The following PBRM1 variants were observed in gnomAD, a reference collection of about 807,000 sequenced individuals.
PBRM1 encodes the protein protein polybromo-1.
PBRM1 carries 27 observed loss-of-function variants against 194.5 expected under a neutral mutation model. The ratio of observed to expected loss-of-function variants is 0.14; its 90% CI spans 0.10 to 0.19. PBRM1 has a LOEUF of 0.19. Ranked by LOEUF, PBRM1 falls within the 10% of genes least tolerant of loss-of-function variation. The pLI is 1.00. For synonymous variants in PBRM1, 655 were observed against 693.2 expected (o/e 0.94, Z 0.87); for missense variants, 1,466 against 2,077.2 (o/e 0.71, Z 5.72).
intron 2 of PBRM1, among the ~76,000 whole-genome samples, chr3:52,676,551 C>T (rs961169405): frequency 3.3e-5 from 5 of 152,202 alleles, no homozygotes; most frequent in Admixed American, 6.5e-5. Flanking sequence ...TTCAGTTAAA[C>T]CTCTTTTTCT....
intron 10 of PBRM1, among the ~76,000 whole-genome samples, chr3:52,638,012 C>A (rs1284564854): frequency 1.3e-5 from 2 of 151,964 alleles, no homozygotes; most frequent in Non-Finnish European, 2.9e-5. Context: ...TACTAGTTAG[C>A]AAATAATTTT....
rs567250482 is a variant in PBRM1 at position 52,628,922 on chromosome 3, C to A, written c.1415G>T (p.Arg472Leu). 2.5e-6 allele frequency: 4 copies of A among 1,613,852 alleles called. No individual in the cohort carries two copies. In the South Asian group the frequency reaches 3.3e-5, roughly 13 times the overall value. The change falls in exon 12 of 30, where the codon CGA becomes CTA. Residue 472 changes from arginine to leucine, a missense_variant. Physicochemically the swap from Arg to Leu is moderately radical, Grantham distance 102. This residue lies in a region of PBRM1 where 457 missense variants were observed against 591.6 expected (regional missense o/e 0.77). Transcript: ENST00000296302. ...CATAACTTGCTGCAATTTTAGAACT[C>A]GCTTGTAGATGGCTGAATTGGGCAC... is the stretch of plus-strand genomic sequence containing the variant.
intron 6 of PBRM1, among the ~76,000 whole-genome samples, chr3:52,648,688 A>AT (rs1381257847): frequency 1.3e-5 from 2 of 152,224 alleles, no homozygotes; most frequent in African/African-American, 4.8e-5. Flanking sequence ...ATAAATTACA[A>AT]TTTTTAAAAA....
intron 3 of PBRM1, among the ~76,000 whole-genome samples, chr3:52,665,245 C>T (rs2096807948): frequency 6.6e-6 from 1 of 152,106 alleles, no homozygotes; most frequent in African/African-American, 2.4e-5. Context: ...GCCTTGAACT[C>T]TTGGGCTCAA....
At chr3:52,674,792 A>AAT (rs949972193) in intron 2 of PBRM1, among the ~76,000 whole-genome samples, 37 of 150,668 alleles carry the variant, frequency 2.5e-4, no homozygotes, top group Non-Finnish European at 4.6e-4. Context: ...TTATATATAC[A>AAT]ATATATATAT....
chr3:52,651,489 T>A (rs1390879769), intron 6 of PBRM1, among the ~76,000 whole-genome samples: 1 of 152,196 alleles, frequency 6.6e-6, no homozygotes, highest in Non-Finnish European at 1.5e-5. Flanking sequence ...ATTTAAAAAT[T>A]AAAAATGAAA....
intron 20 of PBRM1, among the ~76,000 whole-genome samples, chr3:52,579,858 C>A (rs2153692786): frequency 6.6e-6 from 1 of 152,326 alleles, no homozygotes; most frequent in East Asian, 1.9e-4. Context: ...CAGACTCATT[C>A]ATGCATTACT....
intron 2 of PBRM1, among the ~76,000 whole-genome samples, chr3:52,675,216 C>T (rs2097070655): frequency 1.3e-5 from 2 of 152,120 alleles, no homozygotes; most frequent in African/African-American, 2.4e-5. Flanking sequence ...GAGACTGAAT[C>T]AGTAATAAAA....
chr3:52,649,906 C>G (rs369265198), intron 6 of PBRM1, among the ~76,000 whole-genome samples: 1 of 151,980 alleles, frequency 6.6e-6, no homozygotes, highest in African/African-American at 2.4e-5. Context: ...CAAAATAAGG[C>G]GAGAAGTCAA....
chr3:52,593,736 G>T (rs2093318040), intron 17 of PBRM1, among the ~76,000 whole-genome samples: 1 of 152,150 alleles, frequency 6.6e-6, no homozygotes, highest in Non-Finnish European at 1.5e-5. Flanking sequence ...TAATTGTATG[G>T]TTTTGAGTGA....
chr3:52,637,406 T>C (rs561596015), intron 10 of PBRM1, among the ~76,000 whole-genome samples: 2 of 151,938 alleles, frequency 1.3e-5, no homozygotes, highest in Non-Finnish European at 2.9e-5. Flanking sequence ...CAGAGGTGGG[T>C]AGCCTGCCTG....
chr3:52,549,914 A>C (rs1284810398), intron 29 of PBRM1, among the ~76,000 whole-genome samples: 3 of 151,628 alleles, frequency 2.0e-5, no homozygotes, highest in African/African-American at 7.3e-5. Flanking sequence ...AAAAAAAAAA[A>C]ACAACCCAAA....
intron 12 of PBRM1, among the ~76,000 whole-genome samples, chr3:52,628,591 C>G (rs753725161): frequency 1.4e-4 from 21 of 152,042 alleles, no homozygotes; most frequent in Non-Finnish European, 2.4e-4. Flanking sequence ...CCACCGCAGC[C>G]TCCTGAGTAG....
intron 5 of PBRM1, among the ~76,000 whole-genome samples, chr3:52,653,654 G>A (rs112999939): frequency 6.6e-6 from 1 of 151,582 alleles, no homozygotes; most frequent in African/African-American, 2.4e-5. Context: ...GCTCATGCCT[G>A]TAATCCCTGC....
intron 2 of PBRM1, among the ~76,000 whole-genome samples, chr3:52,672,796 T>C (rs555355441): frequency 4.7e-4 from 71 of 150,762 alleles, no homozygotes; most frequent in Middle Eastern, 3.5e-3. Context: ...GCCTGGCCAA[T>C]TGCCAGAGTT....
chr3:52,564,352 T>C (rs1005879936), intron 22 of PBRM1, 119 bp from the exon 25 acceptor site: 3 of 759,468 alleles, frequency 4.0e-6, no homozygotes, highest in East Asian at 5.4e-5. Context: ...TTTAAAGATA[T>C]GAAAGGGGCT....
In PBRM1 at chr3:52,550,418, T is replaced by C. The variant is rs76503307; in HGVS notation, c.4897+3A>G. 4 of 1,275,432 alleles carry C rather than the reference T, an allele frequency of 3.1e-6. No individual in the cohort carries two copies. The highest frequency in any genetic ancestry group is 1.6e-5 in the African/African-American group (1 of 62,530). The allele number at this position is 1,275,432 out of a possible 1,614,324, so 79.0% of individuals were successfully genotyped here. On this transcript the variant is annotated splice_donor_region_variant and intron_variant, in intron 29 of 29. Transcript: ENST00000296302. ...ACAAAGGCTTATTTAGAAGGAATCT[T>C]ACCTGCCAGTGTCTGATCCCACTTG...
At chr3:52,673,498 G>A (rs375648728) in intron 2 of PBRM1, among the ~76,000 whole-genome samples, 7 of 147,620 alleles carry the variant, frequency 4.7e-5, no homozygotes, top group Non-Finnish European at 7.5e-5. Context: ...GCAAAACTCC[G>A]TCTCTACTAA....
At chr3:52,558,272 T>C (rs1463000203) in exon 26 of PBRM1, 10 of 1,538,954 alleles carry the variant, frequency 6.5e-6, no homozygotes, top group East Asian at 2.5e-5. Context: ...CAACTGCTGA[T>C]TGAGCATCCC....
Sources: gnomAD v4.1 joint callset for allele counts (sites outside exome capture counted in the v4.1 genomes callset) on GRCh38, gnomAD v4.1.1 for gene constraint, gnomAD v4.1.1 regional missense constraint, MANE v1.5 for transcripts, NCBI Gene and HGNC (gene_info 2026-07-23, HGNC 2026-07-21) for gene names.